RGS7: variants seen among roughly 807,000 people sequenced by gnomAD.
RGS7 encodes regulator of G protein signaling 7, also known as regulator of G-protein signaling 7.
In RGS7, 27 loss-of-function variants were observed where a neutral mutation model predicts 81.1. The observed-to-expected ratio is 0.33, with a 90% CI of 0.25 to 0.46. The LOEUF is 0.46. Among genes scored for constraint, RGS7 ranks in the 20% least tolerant of loss-of-function variants. The probability of loss-of-function intolerance (pLI) is 1.00; values close to 1 mark genes in which losing one functional copy is unlikely to be tolerated. For synonymous variants in RGS7, 208 were observed against 207.7 expected, an observed-to-expected ratio of 1.00 and a Z score of -0.01; for missense variants, 396 against 607.4, an observed-to-expected ratio of 0.65 and a Z score of 3.66.
chr1:240,828,995 C>T (rs1693343725), intron 9 of RGS7, among the ~76,000 whole-genome samples: 1 of 152,144 alleles, frequency 6.6e-6, no homozygotes, highest in African/African-American at 2.4e-5. Context: ...TTGGCAGACT[C>T]AGCTGTTCAC....
chr1:241,228,763 C>T (rs2075474918), intron 2 of RGS7, among the ~76,000 whole-genome samples: 1 of 152,028 alleles, frequency 6.6e-6, no homozygotes, highest in Non-Finnish European at 1.5e-5. Context: ...AAATCACATG[C>T]TTTGGCATCA....
chr1:241,140,077 T>G (rs1329866558), intron 2 of RGS7, among the ~76,000 whole-genome samples: 2 of 152,192 alleles, frequency 1.3e-5, no homozygotes, highest in African/African-American at 4.8e-5. Flanking sequence ...TTGTCTCCCC[T>G]CATCTGTGCT....
At chr1:241,092,491 A>G (rs761570431) in intron 3 of RGS7, among the ~76,000 whole-genome samples, 4 of 152,184 alleles carry the variant, frequency 2.6e-5, no homozygotes, top group Non-Finnish European at 5.9e-5. Flanking sequence ...GCTATCATGC[A>G]AGAATAAGAC....
At chr1:240,973,446 G>T (rs1234836472) in intron 4 of RGS7, among the ~76,000 whole-genome samples, 2 of 151,542 alleles carry the variant, frequency 1.3e-5, no homozygotes, top group African/African-American at 4.9e-5. Flanking sequence ...GGAGGCTGAG[G>T]TTACAGTGAG....
At position 241,103,000 on chromosome 1, in the gene RGS7, T is replaced by C. The variant is rs374404551; in HGVS notation, c.79-4238A>G. 1.7e-4 allele frequency among the ~76,000 whole-genome samples: 22 copies of C among 129,706 alleles called. No individual in the cohort carries two copies. In the East Asian group the frequency reaches 4.5e-3, roughly 26 times the overall value. 85.1% of individuals were successfully genotyped at this position (129,706 alleles called of 152,430 possible). ...AGCAATTGGATGAGAAGAAAAATGC[T>C]ACAAGCAAGCAAAAAAAAAAAAACA... On this transcript the variant is annotated intron_variant, in intron 2 of 18. Coordinates refer to ENST00000440928, the MANE Select transcript of RGS7 (RefSeq NM_001364886.1).
chr1:241,086,935 C>T (rs1348854289), intron 3 of RGS7, among the ~76,000 whole-genome samples: 1 of 152,204 alleles, frequency 6.6e-6, no homozygotes, highest in Admixed American at 6.5e-5. Context: ...TCTGACATCA[C>T]CATCTCCAAG....
chr1:241,213,226 A>G (rs998810396), intron 2 of RGS7, among the ~76,000 whole-genome samples: 4 of 152,172 alleles, frequency 2.6e-5, no homozygotes, highest in Non-Finnish European at 5.9e-5. Flanking sequence ...GTCATGACTG[A>G]CCGTAAATCT....
At chr1:240,878,890 C>A (rs572320192) in intron 6 of RGS7, among the ~76,000 whole-genome samples, 42 of 152,260 alleles carry the variant, frequency 2.8e-4, no homozygotes, top group South Asian at 1.5e-3. Flanking sequence ...TTAGTCATAT[C>A]CCTATTACTA....
chr1:241,297,813 C>T (rs1391658444), intron 2 of RGS7, among the ~76,000 whole-genome samples: 2 of 152,144 alleles, frequency 1.3e-5, no homozygotes, highest in Non-Finnish European at 2.9e-5. Flanking sequence ...AGTATTCAAT[C>T]GTTTTCTAAA....
chr1:241,035,201 C>T (rs1321740598), intron 3 of RGS7, among the ~76,000 whole-genome samples: 1 of 152,086 alleles, frequency 6.6e-6, no homozygotes, highest in African/African-American at 2.4e-5. Flanking sequence ...ATACAGGGAT[C>T]AGAAAGTCTG....
chr1:241,089,063 C>CTCTCTCTGTATA (rs1374552672), intron 3 of RGS7, among the ~76,000 whole-genome samples: 1 of 23,704 alleles, frequency 4.2e-5, no homozygotes, highest in African/African-American at 2.3e-4. Context: ...CTCTCTCTCT[C>CTCTCTCTGTATA]TATATATATA....
intron 2 of RGS7, among the ~76,000 whole-genome samples, chr1:241,311,624 C>T (rs984183877): frequency 1.7e-4 from 26 of 152,028 alleles, no homozygotes; most frequent in Non-Finnish European, 1.0e-4. Context: ...GAGAAATGGG[C>T]GTTTTATATA....
intron 2 of RGS7, among the ~76,000 whole-genome samples, chr1:241,323,765 A>T (rs1573673535): frequency 1.3e-5 from 2 of 152,300 alleles, no homozygotes; most frequent in Admixed American, 1.3e-4. Context: ...GCAGACTCAC[A>T]TCTATCCTGA....
intron 9 of RGS7, among the ~76,000 whole-genome samples, chr1:240,845,231 A>G (rs1658854441): frequency 6.6e-6 from 1 of 152,186 alleles, no homozygotes; most frequent in South Asian, 2.1e-4. Flanking sequence ...GACACAATCC[A>G]TGCTGTGACT....
chr1:240,974,413 A>T (rs1289107263), intron 4 of RGS7, among the ~76,000 whole-genome samples: 2 of 152,210 alleles, frequency 1.3e-5, no homozygotes, highest in Non-Finnish European at 2.9e-5. Context: ...GCACAAACTG[A>T]ATCATCAGTT....
At chr1:240,970,552 C>T (rs896145844) in intron 4 of RGS7, among the ~76,000 whole-genome samples, 3 of 152,160 alleles carry the variant, frequency 2.0e-5, no homozygotes, top group South Asian at 2.1e-4. Flanking sequence ...TTGGATGTGA[C>T]GGGACTGCAC....
intron 4 of RGS7, among the ~76,000 whole-genome samples, chr1:240,975,109 A>G (rs890569194): frequency 6.6e-6 from 1 of 152,150 alleles, no homozygotes; most frequent in Non-Finnish European, 1.5e-5. Flanking sequence ...CCACTCAAAG[A>G]ACACAGAAAT....
At chr1:240,975,885 C>A (rs1039762286) in intron 4 of RGS7, among the ~76,000 whole-genome samples, 2 of 152,134 alleles carry the variant, frequency 1.3e-5, no homozygotes, top group South Asian at 4.1e-4. Context: ...GTAATGGCCC[C>A]AATTTGCTCA....
intron 9 of RGS7, among the ~76,000 whole-genome samples, chr1:240,862,542 A>C (rs1264850661): frequency 6.6e-6 from 1 of 152,196 alleles, no homozygotes; most frequent in Non-Finnish European, 1.5e-5. Context: ...CTTTAGAAGG[A>C]TCAGGTGTTA....
Sources: allele counts gnomAD v4.1 joint callset (sites outside exome capture counted in the v4.1 genomes callset), GRCh38; gene constraint gnomAD v4.1.1; transcripts MANE v1.5; gene names NCBI Gene and HGNC (gene_info 2026-07-23, HGNC 2026-07-21).